Variants in PDZRN4 observed in about 807,000 individuals in gnomAD.
PDZRN4 encodes the protein PDZ domain-containing RING finger protein 4.
Under a neutral mutation model 99.0 loss-of-function variants are expected in PDZRN4, and 70 were observed. The observed-to-expected ratio is 0.71, with a 90% confidence interval of 0.58 to 0.86. PDZRN4 has a LOEUF of 0.86. PDZRN4 is among the 40% of genes least tolerant of loss of function. The pLI is 0.00. For synonymous variants in PDZRN4, 551 were observed against 501.6 expected, an observed-to-expected ratio of 1.10 and a Z score of -1.32; for missense variants, 1,474 against 1,331.2, an observed-to-expected ratio of 1.11 and a Z score of -1.67.
At chr12:41,206,227 C>T (rs1196283572) in intron 3 of PDZRN4, among the ~76,000 whole-genome samples, 1 of 151,958 alleles carries the variant, frequency 6.6e-6, no homozygotes, top group African/African-American at 2.4e-5. Flanking sequence ...GGTCAGAGGA[C>T]ATATAAATGT....
At chr12:41,217,503 GA>G (rs924679814) in intron 3 of PDZRN4, among the ~76,000 whole-genome samples, 3 of 151,606 alleles carry the variant, frequency 2.0e-5, no homozygotes, top group African/African-American at 4.8e-5. Context: ...TTTAACATGA[GA>G]AAAAAAATAG....
At chr12:41,355,413 A>G (rs1951920290) in intron 3 of PDZRN4, among the ~76,000 whole-genome samples, 1 of 152,040 alleles carries the variant, frequency 6.6e-6, no homozygotes, top group South Asian at 2.1e-4. Context: ...ATTGGTATTT[A>G]GTCTTGTTCT....
intron 5 of PDZRN4, among the ~76,000 whole-genome samples, chr12:41,517,633 C>T (rs1938424803): frequency 6.6e-6 from 1 of 152,070 alleles, no homozygotes; most frequent in South Asian, 2.1e-4. Flanking sequence ...CATATTCCAC[C>T]TGTGTGCTCC....
chr12:41,336,482 A>G (rs561878034), intron 3 of PDZRN4, among the ~76,000 whole-genome samples: 1 of 146,090 alleles, frequency 6.8e-6, no homozygotes, highest in South Asian at 2.2e-4. Context: ...ATTTGAACAT[A>G]GTAGCCATGC....
At chr12:41,381,782 A>G (rs1290126285) in intron 3 of PDZRN4, among the ~76,000 whole-genome samples, 1 of 152,076 alleles carries the variant, frequency 6.6e-6, no homozygotes, top group African/African-American at 2.4e-5. Flanking sequence ...ACTTAGTGGT[A>G]TATTGTTTCC....
Position 41,561,936 on chromosome 12 carries a change from A to G in PDZRN4, c.1366-1612A>G, listed in dbSNP as rs117803785. ...AGTATAGTGGAATCCACCACTGCCA[A>G]TTTATCTTTATTTGAGAAAAAAGGC... On this transcript the variant is annotated intron_variant, in intron 7 of 9. Transcript: ENST00000402685. 9.9e-3 allele frequency among the ~76,000 whole-genome samples: 1,510 copies of G among 152,200 alleles called. 12 individuals carry two copies. The highest frequency in any genetic ancestry group is 0.015 in the Non-Finnish European group (997 of 67,990).
At position 41,420,949 on chromosome 12, in the gene PDZRN4, G is replaced by A. The variant is rs139084138; in HGVS notation, c.844-85507G>A. 4.2e-4 allele frequency among the ~76,000 whole-genome samples: 64 copies of A among 152,096 alleles called. 2 individuals are homozygous for A. In the East Asian group the frequency reaches 0.012, roughly 28 times the overall value. On this transcript the variant is annotated intron_variant, in intron 3 of 9. Coordinates refer to ENST00000402685, the MANE Select transcript of PDZRN4 (RefSeq NM_001164595.2). ...TGTTTATATTCGCTATTCACGGTAC[G>A]TCTTCCTCCTGACTTCATTATTTTT...
intron 3 of PDZRN4, among the ~76,000 whole-genome samples, chr12:41,248,099 A>C (rs1951145376): frequency 6.6e-6 from 1 of 152,164 alleles, no homozygotes; most frequent in South Asian, 2.1e-4. Context: ...TCTGATATTT[A>C]AACCGATGTT....
Position 41,312,608 on chromosome 12 carries a change from G to A in PDZRN4, c.843+118420G>A, listed in dbSNP as rs1298831462. Among the ~76,000 whole-genome samples, 3 of 152,192 alleles carry A rather than the reference G, an allele frequency of 2.0e-5. No homozygotes were observed. The South Asian group carries it at 6.2e-4, about 32-fold the overall frequency. On this transcript the variant is annotated intron_variant, in intron 3 of 9. Transcript: ENST00000402685. The stretch of plus-strand genomic sequence containing the variant: ...TGGAAGATGAAGGAAGAGCAAAGAT[G>A]TGTCTAACATAGCAGCAAGCAAGAG...
chr12:41,524,549 G>C (rs1165836147), intron 5 of PDZRN4, among the ~76,000 whole-genome samples: 1 of 152,036 alleles, frequency 6.6e-6, no homozygotes, highest in African/African-American at 2.4e-5. Context: ...AGGAAAGAAG[G>C]AGCTCAATGT....
chr12:41,505,698 T>A (rs1489049292), intron 3 of PDZRN4, among the ~76,000 whole-genome samples: 3 of 149,598 alleles, frequency 2.0e-5, no homozygotes, highest in African/African-American at 7.3e-5. Flanking sequence ...TTCTCTGTAA[T>A]GTCCAGGGCT....
At chr12:41,441,733 G>C (rs1390918283) in intron 3 of PDZRN4, among the ~76,000 whole-genome samples, 1 of 151,984 alleles carries the variant, frequency 6.6e-6, no homozygotes, top group Non-Finnish European at 1.5e-5. Context: ...CCTACTCATA[G>C]TCTCTTAACA....
In PDZRN4 at chr12:41,266,125, A is replaced by C. The variant is rs1463398365; in HGVS notation, c.843+71937A>C. ...AGGAGATCGAGACCATCCCGGCTAA[A>C]ACGGTGAAACCCCGTCTCTACTAAA... On this transcript the variant is annotated intron_variant, in intron 3 of 9. Coordinates refer to ENST00000402685, the MANE Select transcript of PDZRN4 (RefSeq NM_001164595.2). 1.6e-4 allele frequency among the ~76,000 whole-genome samples: 3 copies of C among 18,858 alleles called. 1 individual carries two copies. Among genetic ancestry groups the C allele is most frequent in the Non-Finnish European group, 2.5e-4 (2 of 8,012 alleles). The allele number at this position is 18,858 out of a possible 152,430, so 12.4% of individuals were successfully genotyped here.
chr12:41,470,157 T>C (rs1952972389), intron 3 of PDZRN4, among the ~76,000 whole-genome samples: 1 of 152,048 alleles, frequency 6.6e-6, no homozygotes, highest in South Asian at 2.1e-4. Flanking sequence ...TGTCAGAAAA[T>C]TTACAAACCC....
intron 3 of PDZRN4, among the ~76,000 whole-genome samples, chr12:41,234,479 C>T (rs955753672): frequency 1.3e-4 from 20 of 151,932 alleles, no homozygotes; most frequent in African/African-American, 4.8e-4. Flanking sequence ...CAATGTGAAA[C>T]AATTTTTGTG....
intron 3 of PDZRN4, among the ~76,000 whole-genome samples, chr12:41,209,339 T>TA (rs139006411): frequency 2.0e-5 from 3 of 150,100 alleles, no homozygotes; most frequent in Admixed American, 2.0e-4. Context: ...TCTTTTTATT[T>TA]TTTTATTTAT....
chr12:41,422,544 C>T (rs903630618), intron 3 of PDZRN4, among the ~76,000 whole-genome samples: 1 of 152,096 alleles, frequency 6.6e-6, no homozygotes, highest in South Asian at 2.1e-4. Context: ...CTTACAATCA[C>T]ATTGGAAGGT....
chr12:41,220,625 A>G (rs760222074), intron 3 of PDZRN4, among the ~76,000 whole-genome samples: 2 of 152,156 alleles, frequency 1.3e-5, no homozygotes, highest in African/African-American at 2.4e-5. Flanking sequence ...CCAGAAGCTG[A>G]CTTGGATAGT....
Position 41,557,635 on chromosome 12 carries a change from C to G in PDZRN4, c.1365+1875C>G, listed in dbSNP as rs546689582. 7.9e-5 allele frequency among the ~76,000 whole-genome samples: 12 copies of G among 152,188 alleles called. No individual in the cohort carries two copies. In the East Asian group the frequency reaches 2.3e-3, roughly 29 times the overall value. On this transcript the variant is annotated intron_variant, in intron 7 of 9. Coordinates refer to ENST00000402685, the MANE Select transcript of PDZRN4 (RefSeq NM_001164595.2). ...CAGGACAACACTCATGGAATCACACCATCTCCTCACCGCCTGTTCTTCCTC... is the reference window on the plus strand; with the variant it reads ...CAGGACAACACTCATGGAATCACACGATCTCCTCACCGCCTGTTCTTCCTC...
Sources: gnomAD v4.1 joint callset for allele counts (sites outside exome capture counted in the v4.1 genomes callset) on GRCh38, gnomAD v4.1.1 for gene constraint, MANE v1.5 for transcripts, NCBI Gene and HGNC (gene_info 2026-07-23, HGNC 2026-07-21) for gene names.